The following PLD5 variants were observed in gnomAD, a reference collection of about 807,000 sequenced individuals.
PLD5 encodes phospholipase D family member 5.
PLD5 carries 36 observed loss-of-function variants against 61.1 expected under a neutral mutation model. The observed-to-expected ratio is 0.59, with a 90% CI of 0.45 to 0.78. PLD5 has a LOEUF of 0.78. Among genes scored for constraint, PLD5 ranks in the 30% least tolerant of loss-of-function variants. The probability of loss-of-function intolerance (pLI) is 0.00; values close to 1 mark genes in which losing one functional copy is unlikely to be tolerated. For synonymous variants in PLD5, 243 were observed against 242.8 expected (o/e 1.00, Z -0.01); for missense variants, 515 against 644.4 (o/e 0.80, Z 2.17).
At chr1:242,235,843 A>C (rs1343347727) in intron 4 of PLD5, 1 of 143,856 alleles carries the variant, frequency 7.0e-6, no homozygotes, top group Non-Finnish European at 1.5e-5. Flanking sequence ...ATTTTAGTGT[A>C]GTTCTCGTGT....
chr1:242,442,070 C>T (rs900034119), intron 1 of PLD5, among the ~76,000 whole-genome samples: 2 of 152,154 alleles, frequency 1.3e-5, no homozygotes, highest in Admixed American at 6.5e-5. Context: ...AAGAGCACCT[C>T]TCATGGGAGC....
intron 1 of PLD5, among the ~76,000 whole-genome samples, chr1:242,438,030 A>T (rs1666084802): frequency 1.3e-5 from 2 of 152,206 alleles, no homozygotes; most frequent in African/African-American, 2.4e-5. Context: ...TTTTACCTTT[A>T]TGGGAGTCTA....
At position 242,390,079 on chromosome 1, in the gene PLD5, GGCGCC is replaced by G. The variant is rs1300605541; in HGVS notation, c.190-41842_190-41838del. 8.6e-5 allele frequency among the ~76,000 whole-genome samples: 4 copies of G among 46,724 alleles called. No individual in the cohort carries two copies. The East Asian group carries it at 4.1e-3, about 48-fold the overall frequency. 30.7% of individuals were successfully genotyped at this position (46,724 alleles called of 152,430 possible). On this transcript the variant is annotated intron_variant, in intron 1 of 9. Coordinates refer to ENST00000536534, the MANE Select transcript of PLD5 (RefSeq NM_001372062.1). ...TTTGTCTCCCAGGCTGGAGTGCAGTGGCGCCATCTCACTTTGTCTCCCAGGCTGGA... is the reference window on the plus strand; with the variant it reads ...TTTGTCTCCCAGGCTGGAGTGCAGTGATCTCACTTTGTCTCCCAGGCTGGA...
At chr1:242,512,743 A>G (rs1441037813) in intron 1 of PLD5, among the ~76,000 whole-genome samples, 5 of 152,110 alleles carry the variant, frequency 3.3e-5, no homozygotes, top group African/African-American at 9.7e-5. Flanking sequence ...TGAAATCTCA[A>G]CCTGTGGGAT....
At chr1:242,525,553 C>A (rs892083375), upstream of PLD5, among the ~76,000 whole-genome samples, 3 of 152,240 alleles carry the variant, frequency 2.0e-5, no homozygotes, top group Non-Finnish European at 4.4e-5. Context: ...CTTTTGCTAT[C>A]TTTGGAGTCA....
chr1:242,437,918 T>C (rs1666078254), intron 1 of PLD5, among the ~76,000 whole-genome samples: 1 of 152,230 alleles, frequency 6.6e-6, no homozygotes, highest in Non-Finnish European at 1.5e-5. Flanking sequence ...TGTGCTACTG[T>C]ATAAGATCCG....
intron 1 of PLD5, among the ~76,000 whole-genome samples, chr1:242,355,946 C>T (rs1819734): frequency 0.95 from 142,937 of 150,966 alleles, 68,146 homozygotes; most frequent in Non-Finnish European, 1. Flanking sequence ...AAAAAAATAC[C>T]AGATATGATT....
chr1:242,182,004 C>T (rs1317235990), intron 5 of PLD5, among the ~76,000 whole-genome samples: 1 of 152,190 alleles, frequency 6.6e-6, no homozygotes, highest in African/African-American at 2.4e-5. Flanking sequence ...TCCCAGGCCA[C>T]CCACAGTCTA....
intron 6 of PLD5, among the ~76,000 whole-genome samples, chr1:242,114,286 TA>T (rs769275395): frequency 1.3e-5 from 2 of 152,170 alleles, no homozygotes; most frequent in Admixed American, 1.3e-4. Context: ...TTTTATGTAT[TA>T]AAAAATTTAA....
intron 4 of PLD5, among the ~76,000 whole-genome samples, chr1:242,240,320 A>G (rs1671914894): frequency 6.6e-6 from 1 of 152,136 alleles, no homozygotes; most frequent in Non-Finnish European, 1.5e-5. Context: ...CTACTGTTTG[A>G]TTTAATTATC....
intron 1 of PLD5, among the ~76,000 whole-genome samples, chr1:242,376,353 G>A (rs886585924): frequency 6.6e-6 from 1 of 152,150 alleles, no homozygotes; most frequent in Non-Finnish European, 1.5e-5. Flanking sequence ...CGCCCACACT[G>A]GAGTGCAGTT....
chr1:242,244,735 T>G (rs1333227926), intron 4 of PLD5, among the ~76,000 whole-genome samples: 1 of 152,182 alleles, frequency 6.6e-6, no homozygotes, highest in Non-Finnish European at 1.5e-5. Context: ...GACCTCAACT[T>G]CTCATGATGC....
intron 1 of PLD5, among the ~76,000 whole-genome samples, chr1:242,514,034 A>G (rs889133469): frequency 3.3e-5 from 5 of 152,216 alleles, no homozygotes; most frequent in Non-Finnish European, 7.3e-5. Context: ...TGGTCTCCCC[A>G]ATTCTAGGCT....
chr1:242,261,614 T>A, intron 4 of PLD5, among the ~76,000 whole-genome samples: 1 of 152,116 alleles, frequency 6.6e-6, no homozygotes, highest in Non-Finnish European at 1.5e-5. Flanking sequence ...AACAAAGGAT[T>A]CAAATCTAGC....
intron 3 of PLD5, among the ~76,000 whole-genome samples, chr1:242,276,590 G>C (rs1202316939): frequency 6.6e-6 from 1 of 151,210 alleles, no homozygotes; most frequent in Non-Finnish European, 1.5e-5. Context: ...TAGTTCTAAG[G>C]ATGTGCCAGG....
intron 1 of PLD5, among the ~76,000 whole-genome samples, chr1:242,515,929 C>A (rs1051989150): frequency 5.9e-5 from 9 of 152,154 alleles, no homozygotes; most frequent in African/African-American, 2.2e-4. Flanking sequence ...ATGAGAGCTA[C>A]AGATGCTCCC....
intron 1 of PLD5, among the ~76,000 whole-genome samples, chr1:242,504,764 TA>T (rs201730642): frequency 2.6e-5 from 4 of 152,206 alleles, no homozygotes; most frequent in Non-Finnish European, 4.4e-5. Context: ...TTTTCCCAAA[TA>T]TTTTTTTTTA....
At chr1:242,410,492 C>G (rs1383074367) in intron 1 of PLD5, among the ~76,000 whole-genome samples, 1 of 151,986 alleles carries the variant, frequency 6.6e-6, no homozygotes, top group Non-Finnish European at 1.5e-5. Flanking sequence ...AATTAGTTGA[C>G]ATGCTGGAAG....
chr1:242,121,271 A>G (rs1662340524), intron 6 of PLD5, among the ~76,000 whole-genome samples: 1 of 152,208 alleles, frequency 6.6e-6, no homozygotes, highest in African/African-American at 2.4e-5. Flanking sequence ...ATATATTAAT[A>G]GTAGGTGATC....
Sources: gnomAD v4.1 joint callset for allele counts (sites outside exome capture counted in the v4.1 genomes callset) on GRCh38, gnomAD v4.1.1 for gene constraint, MANE v1.5 for transcripts, NCBI Gene and HGNC (gene_info 2026-07-23, HGNC 2026-07-21) for gene names.